Variants in CDC73 observed in about 807,000 individuals in gnomAD.
CDC73 encodes cell division cycle 73.
In CDC73, 21 loss-of-function variants were observed where a neutral mutation model predicts 83.7. The ratio of observed to expected loss-of-function variants is 0.25; its 90% CI spans 0.18 to 0.36. CDC73 has a LOEUF of 0.36. Among genes scored for constraint, CDC73 ranks in the 10% least tolerant of loss-of-function variants. The pLI, the probability that CDC73 is intolerant of heterozygous loss-of-function variation, is 1.00. For missense variants in CDC73, 342 were observed against 653.3 expected, an observed-to-expected ratio of 0.52 and a Z score of 5.19; for synonymous variants, 224 against 212.9, an observed-to-expected ratio of 1.05 and a Z score of -0.45.
At chr1:193,246,723 C>T (rs1677961138) in intron 15 of CDC73, among the ~76,000 whole-genome samples, 1 of 152,048 alleles carries the variant, frequency 6.6e-6, no homozygotes, top group Admixed American at 6.6e-5. Flanking sequence ...ATCTCTTTAT[C>T]CTCTAGCTTA....
At position 193,252,247 on chromosome 1, in the gene CDC73, A is replaced by G. The variant is rs1011765527; in HGVS notation, c.*1535A>G. The G allele has an allele frequency of 8.7e-6, 2 of 230,794 alleles. No individual in the cohort carries two copies. Among genetic ancestry groups the G allele is most frequent in the Non-Finnish European group, 1.7e-5 (2 of 116,574 alleles). The allele number at this position is 230,794 out of a possible 1,614,324, so 14.3% of individuals were successfully genotyped here. A position where few individuals can be genotyped will look rare whatever the true frequency, so the allele number is the denominator to read the frequency against. ...TCTACCCCTATTTTCCTCCCTTTTT[A>G]GCGTCTTCTTTCCTTAAAGATAAAA... On this transcript the variant is annotated 3_prime_UTR_variant, in exon 17 of 17. Coordinates refer to ENST00000367435, the MANE Select transcript of CDC73 (RefSeq NM_024529.5).
intron 13 of CDC73, among the ~76,000 whole-genome samples, chr1:193,231,164 A>G (rs1476185425): frequency 1.3e-5 from 2 of 152,176 alleles, no homozygotes; most frequent in Non-Finnish European, 2.9e-5. Context: ...ATTATAAGTA[A>G]TTTTGTTTAT....
rs1678088267 is a variant in CDC73, at chr1:193,253,832, G to A, written c.*3120G>A. ...AAAAGTAAACTATTCATTTAAATAA[G>A]ATTCATTATCTAATAAATATTGAGG... is the stretch of plus-strand genomic sequence containing the variant. On this transcript the variant is annotated 3_prime_UTR_variant, in exon 17 of 17. Coordinates refer to ENST00000367435, the MANE Select transcript of CDC73 (RefSeq NM_024529.5). 4.4e-6 allele frequency: 1 copy of A among 226,850 alleles called. No homozygotes were observed. Among genetic ancestry groups the A allele is most frequent in the African/African-American group, 2.2e-5 (1 of 44,932 alleles). 14.1% of individuals were successfully genotyped at this position (226,850 alleles called of 1,614,324 possible).
chr1:193,176,235 C>T (rs941928185), intron 10 of CDC73, among the ~76,000 whole-genome samples: 2 of 152,054 alleles, frequency 1.3e-5, no homozygotes, highest in Admixed American at 1.3e-4. Flanking sequence ...GTGGTGTGAC[C>T]CTAGGAACAT....
At chr1:193,183,189 T>C (rs1340893693) in intron 10 of CDC73, among the ~76,000 whole-genome samples, 1 of 151,568 alleles carries the variant, frequency 6.6e-6, no homozygotes, top group Non-Finnish European at 1.5e-5. Context: ...GTGTTAGATG[T>C]AAATGAATGA....
At chr1:193,147,504 A>G (rs1676022600) in intron 7 of CDC73, among the ~76,000 whole-genome samples, 6 of 151,600 alleles carry the variant, frequency 4.0e-5, no homozygotes, top group Admixed American at 3.9e-4. Context: ...AGTAGCTGGG[A>G]CTACAGGCAC....
At chr1:193,237,253 AC>A (rs1677777400) in intron 15 of CDC73, 1 of 152,126 alleles carries the variant, frequency 6.6e-6, no homozygotes, top group Non-Finnish European at 1.5e-5. Flanking sequence ...TGTTAGTGGT[AC>A]CATCATTTTT....
chr1:193,220,520 G>C (rs1677451229), intron 13 of CDC73, among the ~76,000 whole-genome samples: 1 of 152,128 alleles, frequency 6.6e-6, no homozygotes, highest in Non-Finnish European at 1.5e-5. Flanking sequence ...TTCAAAGTGA[G>C]AAGCCAATTT....
chr1:193,194,773 A>G (rs12124924), intron 10 of CDC73, among the ~76,000 whole-genome samples: 6,036 of 152,226 alleles, frequency 0.04, 113 homozygotes, highest in Middle Eastern at 0.048. Flanking sequence ...CTAATATGCA[A>G]GAGTACCCCT....
chr1:193,194,918 ATC>A (rs959349294), intron 10 of CDC73, among the ~76,000 whole-genome samples: 1 of 152,104 alleles, frequency 6.6e-6, no homozygotes, highest in Non-Finnish European at 1.5e-5. Context: ...TGTGAAATAA[ATC>A]TCTATATGTG....
chr1:193,154,893 C>T (rs895372244), intron 10 of CDC73, among the ~76,000 whole-genome samples: 1 of 152,122 alleles, frequency 6.6e-6, no homozygotes, highest in Admixed American at 6.6e-5. Flanking sequence ...AATATCCACC[C>T]AGACATACAG....
chr1:193,203,527 C>T (rs993209445), intron 10 of CDC73, among the ~76,000 whole-genome samples: 2 of 152,100 alleles, frequency 1.3e-5, no homozygotes, highest in African/African-American at 2.4e-5. Context: ...ATATTACATG[C>T]TTACAGTAAC....
intron 15 of CDC73, among the ~76,000 whole-genome samples, chr1:193,240,951 ATTCCACTCAGT>A (rs1297031186): frequency 6.6e-6 from 1 of 152,112 alleles, no homozygotes; most frequent in African/African-American, 2.4e-5. Context: ...GTTCTCTTGT[ATTCCACTCAGT>A]TTCTGTGACA....
At chr1:193,229,484 G>A (rs1332232829) in intron 13 of CDC73, among the ~76,000 whole-genome samples, 1 of 152,336 alleles carries the variant, frequency 6.6e-6, no homozygotes, top group East Asian at 1.9e-4. Context: ...TCTGTGATAG[G>A]AGGACGCAGC....
chr1:193,180,488 G>GA, intron 10 of CDC73: 1 of 1,614,038 alleles, frequency 6.2e-7, no homozygotes, highest in Non-Finnish European at 8.5e-7. Flanking sequence ...AACTCATTGG[G>GA]AGGGGGTACA....
At chr1:193,122,585 T>C (rs1048720408) in intron 1 of CDC73, 7 of 470,106 alleles carry the variant, frequency 1.5e-5, no homozygotes, top group South Asian at 2.2e-5. Flanking sequence ...TTCTGACTTT[T>C]ACAGTTAATT....
chr1:193,143,195 G>A (rs899226685), intron 7 of CDC73, among the ~76,000 whole-genome samples: 1 of 152,038 alleles, frequency 6.6e-6, no homozygotes, highest in Non-Finnish European at 1.5e-5. Flanking sequence ...AGTACCTAAG[G>A]TTGAGATTAA....
rs1338504668 is a variant in CDC73, at chr1:193,193,295, T to C, written c.973-10500T>C. Among the ~76,000 whole-genome samples, 7 of 152,220 alleles carry C rather than the reference T, an allele frequency of 4.6e-5. No individual in the cohort carries two copies. In the East Asian group the frequency reaches 1.3e-3, roughly 29 times the overall value. On this transcript the variant is annotated intron_variant, in intron 10 of 16. Transcript: ENST00000367435. ...TGTGAGATGCATCAATAGGTTCCTT[T>C]CTTTGAAGAAACTGATAGCCTTGAT...
At chr1:193,167,862 T>A (rs577856881) in intron 10 of CDC73, among the ~76,000 whole-genome samples, 3 of 152,176 alleles carry the variant, frequency 2.0e-5, no homozygotes, top group African/African-American at 7.2e-5. Flanking sequence ...TTTCTTGTGT[T>A]TTTTTGTTGT....
Sources: gnomAD v4.1 joint callset for allele counts (sites outside exome capture counted in the v4.1 genomes callset) on GRCh38, gnomAD v4.1.1 for gene constraint, MANE v1.5 for transcripts, NCBI Gene and HGNC (gene_info 2026-07-23, HGNC 2026-07-21) for gene names.